The following ANO6 variants were observed in gnomAD, a reference collection of about 807,000 sequenced individuals.
The protein encoded by ANO6 is anoctamin 6.
A neutral mutation model predicts 117.5 loss-of-function variants in ANO6; 106 were observed. That is an observed-to-expected ratio of 0.90 (90% CI 0.77 to 1.06). ANO6 has a LOEUF of 1.06. ANO6 is among the 50% of genes least tolerant of loss of function. The pLI is 0.00. For missense variants in ANO6, 955 were observed against 1,121.1 expected (o/e 0.85, Z 2.12); for synonymous variants, 367 against 385.1 (o/e 0.95, Z 0.55).
At chr12:45,310,748 C>T (rs887540371) in intron 2 of ANO6, among the ~76,000 whole-genome samples, 9 of 151,808 alleles carry the variant, frequency 5.9e-5, no homozygotes, top group Admixed American at 2.0e-4. Flanking sequence ...GAAGTGCAGC[C>T]GGTCATCTCA....
chr12:45,232,684 G>A (rs1001911735), intron 1 of ANO6, among the ~76,000 whole-genome samples: 2 of 152,184 alleles, frequency 1.3e-5, no homozygotes, highest in African/African-American at 4.8e-5. Context: ...CAGAGGTTTT[G>A]TTTATAATGA....
At chr12:45,277,512 C>T (rs1938592875) in intron 1 of ANO6, among the ~76,000 whole-genome samples, 1 of 152,196 alleles carries the variant, frequency 6.6e-6, no homozygotes, top group African/African-American at 2.4e-5. Flanking sequence ...TCACCACCAT[C>T]CTGAGAACTT....
In ANO6 at chr12:45,431,586, G is replaced by C; in HGVS notation, c.*2275G>C. On this transcript the variant is annotated 3_prime_UTR_variant, in exon 20 of 20. Coordinates refer to ENST00000320560, the MANE Select transcript of ANO6 (RefSeq NM_001025356.3). ...GGCACCAAATGTAATATCTGACACT[G>C]TTAAGATGCCCAAAAGAGCAAAGTT... 8.1e-6 allele frequency: 8 copies of C among 985,432 alleles called. No individual in the cohort carries two copies. Among genetic ancestry groups the C allele is most frequent in the Non-Finnish European group, 9.6e-6 (8 of 829,934 alleles). 61.0% of individuals were successfully genotyped at this position (985,432 alleles called of 1,614,324 possible).
chr12:45,291,815 TAGTA>T (rs570930338), intron 1 of ANO6, among the ~76,000 whole-genome samples: 1 of 151,932 alleles, frequency 6.6e-6, no homozygotes, highest in Non-Finnish European at 1.5e-5. Flanking sequence ...GCACACAAAA[TAGTA>T]AGTGTTGGTG....
intron 8 of ANO6, among the ~76,000 whole-genome samples, chr12:45,360,277 C>A (rs1486721671): frequency 1.3e-5 from 2 of 152,154 alleles, no homozygotes; most frequent in Non-Finnish European, 2.9e-5. Context: ...ATTCCAAGAT[C>A]AAGTTGCCGA....
At position 45,216,113 on chromosome 12, in the gene ANO6, G is replaced by C. The variant is rs1428327743; in HGVS notation, c.-209G>C. The C allele has an allele frequency of 5.2e-6, 3 of 572,946 alleles. No homozygotes were observed. Among genetic ancestry groups the C allele is most frequent in the East Asian group, 6.2e-5 (2 of 32,300 alleles). 35.5% of individuals were successfully genotyped at this position (572,946 alleles called of 1,614,324 possible). ...CATGCTCAGTCTCCGGGCTCCGCTC[G>C]GCAGGCGAGAGGCGTCCTCCGGCTC... On this transcript the variant is annotated 5_prime_UTR_variant, in exon 1 of 20. Transcript: ENST00000320560.
rs1161238878 is a variant in ANO6 at position 45,430,973 on chromosome 12, G to T, written c.*1662G>T. ...AATCCCAGCAGCAAAGGAAAACTCA[G>T]ATTTTAGAGGCTTTTTACAATAAAG... On this transcript the variant is annotated 3_prime_UTR_variant, in exon 20 of 20. Transcript: ENST00000320560. The T allele has an allele frequency of 1.0e-6, 1 of 985,428 alleles. No homozygotes were observed. The highest frequency in any genetic ancestry group is 1.2e-6 in the Non-Finnish European group (1 of 829,926). The allele number at this position is 985,428 out of a possible 1,614,324, so 61.0% of individuals were successfully genotyped here. A position where few individuals can be genotyped will look rare whatever the true frequency, so the allele number is the denominator to read the frequency against.
At chr12:45,403,857 A>C (rs544344099) in intron 15 of ANO6, among the ~76,000 whole-genome samples, 1 of 152,314 alleles carries the variant, frequency 6.6e-6, no homozygotes, top group Middle Eastern at 3.4e-3. Context: ...TAGAGCTGTG[A>C]ACTGTGTATT....
At chr12:45,259,883 G>A (rs915374202) in intron 1 of ANO6, among the ~76,000 whole-genome samples, 2 of 152,196 alleles carry the variant, frequency 1.3e-5, no homozygotes, top group South Asian at 4.1e-4. Context: ...GCGTTAAAAG[G>A]CTGCAACAGC....
At chr12:45,254,389 G>T (rs1198871359) in intron 1 of ANO6, among the ~76,000 whole-genome samples, 5 of 152,164 alleles carry the variant, frequency 3.3e-5, no homozygotes, top group Non-Finnish European at 5.9e-5. Context: ...TCATTGCCTG[G>T]GGAGGCAGTA....
intron 7 of ANO6, among the ~76,000 whole-genome samples, chr12:45,354,662 CTG>C (rs926377248): frequency 1.3e-5 from 2 of 152,102 alleles, no homozygotes; most frequent in Non-Finnish European, 2.9e-5. Flanking sequence ...AGGGGAGAGT[CTG>C]GGGTTGAATT....
In ANO6 at chr12:45,219,574, G is replaced by A. The variant is rs966565881; in HGVS notation, c.70+3183G>A. ...GCCCAGACTGGTTTCAAACTCCTGA[G>A]CTTAAGTGATTATCCTACCTCGGCT... On this transcript the variant is annotated intron_variant, in intron 1 of 19. Transcript: ENST00000320560. Among the ~76,000 whole-genome samples the A allele has an allele frequency of 9.5e-5, 14 of 147,810 alleles. No individual in the cohort carries two copies. The Admixed American group carries it at 9.6e-4, about 10-fold the overall frequency.
rs1055837638 is a variant in ANO6, at chr12:45,432,011, A to C, written c.*2700A>C. 33 of 985,296 alleles carry C rather than the reference A, an allele frequency of 3.3e-5. No homozygotes were observed. The highest frequency in any genetic ancestry group is 4.0e-5 in the Non-Finnish European group (33 of 829,894). The allele number at this position is 985,296 out of a possible 1,614,324, so 61.0% of individuals were successfully genotyped here. A position where few individuals can be genotyped will look rare whatever the true frequency, so the allele number is the denominator to read the frequency against. ...TAAAACTAAACAAGGCCATCTTATA[A>C]ACTGTCACCAAAGTCTTCCCTTTTT... On this transcript the variant is annotated 3_prime_UTR_variant, in exon 20 of 20. Transcript: ENST00000320560.
intron 3 of ANO6, among the ~76,000 whole-genome samples, chr12:45,333,293 C>T (rs1438727958): frequency 6.6e-6 from 1 of 151,974 alleles, no homozygotes; most frequent in African/African-American, 2.4e-5. Flanking sequence ...ACAATTTTAT[C>T]ACTAAAGTAA....
chr12:45,245,137 T>A (rs1403968933), intron 1 of ANO6, among the ~76,000 whole-genome samples: 1 of 152,154 alleles, frequency 6.6e-6, no homozygotes, highest in Admixed American at 6.6e-5. Context: ...CTGATGAAAT[T>A]ATGTATGTGC....
rs1195629632 is a variant in ANO6 at position 45,323,921 on chromosome 12, G to T, written c.151-7374G>T. On this transcript the variant is annotated intron_variant, in intron 2 of 19. Transcript: ENST00000320560. Reference sequence around the variant, plus strand: ...CATTTTTTCATCACTGTTTTTTTTTGTTGTTGTTGTTGTATTTTTTTTTTT... The same window carrying T: ...CATTTTTTCATCACTGTTTTTTTTTTTTGTTGTTGTTGTATTTTTTTTTTT... 7.5e-3 allele frequency among the ~76,000 whole-genome samples: 928 copies of T among 124,216 alleles called. 3 individuals carry two copies. Among genetic ancestry groups the T allele is most frequent in the Non-Finnish European group, 9.7e-3 (581 of 59,896 alleles). The allele number at this position is 124,216 out of a possible 152,430, so 81.5% of individuals were successfully genotyped here.
intron 1 of ANO6, among the ~76,000 whole-genome samples, chr12:45,267,150 A>G (rs1324250089): frequency 6.6e-6 from 1 of 152,182 alleles, no homozygotes; most frequent in Non-Finnish European, 1.5e-5. Flanking sequence ...GTTGTTAAAC[A>G]ACAGACACTT....
At chr12:45,303,787 T>C (rs1303798592) in intron 2 of ANO6, among the ~76,000 whole-genome samples, 2 of 152,238 alleles carry the variant, frequency 1.3e-5, no homozygotes, top group African/African-American at 2.4e-5. Context: ...ATTTACCTTA[T>C]TGAAAGACTT....
intron 9 of ANO6, among the ~76,000 whole-genome samples, chr12:45,369,286 A>T (rs1863549): frequency 1.3e-5 from 2 of 152,158 alleles, no homozygotes; most frequent in South Asian, 4.1e-4. Flanking sequence ...GCTAAAGGGC[A>T]CTAGTTAGCT....
Sources: allele counts gnomAD v4.1 joint callset (sites outside exome capture counted in the v4.1 genomes callset), GRCh38; gene constraint gnomAD v4.1.1; transcripts MANE v1.5; gene names NCBI Gene and HGNC (gene_info 2026-07-23, HGNC 2026-07-21).